The following TUBGCP6 variants were observed in gnomAD, a reference collection of about 807,000 sequenced individuals.
TUBGCP6 encodes gamma-tubulin complex component 6.
A neutral mutation model predicts 175.8 loss-of-function variants in TUBGCP6; 161 were observed. That is an observed-to-expected ratio of 0.92 (90% CI 0.81 to 1.04). The LOEUF is 1.04. TUBGCP6 is among the 50% of genes least tolerant of loss of function. The pLI, the probability that TUBGCP6 is intolerant of heterozygous loss-of-function variation, is 0.00. For synonymous variants in TUBGCP6, 1,173 were observed against 1,030.5 expected (o/e 1.14, Z -2.65); for missense variants, 2,572 against 2,433.0 (o/e 1.06, Z -1.20).
chr22:50,218,061 C>G lies in TUBGCP6; in HGVS notation c.5225G>C (p.Ser1742Thr). 3.7e-6 allele frequency: 6 copies of G among 1,613,510 alleles called. No homozygotes were observed. Among genetic ancestry groups the G allele is most frequent in the Non-Finnish European group, 4.2e-6 (5 of 1,179,962 alleles). ...CTGGCTGCGGAACTTGAGCACGAGGCTGAAGATGCTGTGGATGACGTTCAT... is the reference window on the plus strand; with the variant it reads ...CTGGCTGCGGAACTTGAGCACGAGGGTGAAGATGCTGTGGATGACGTTCAT... The part of the protein sequence containing the change: ...PVMNVIHSIF[S>T]LVLKFRSQLI... Residue 1742 changes from serine (S) to threonine (T), a missense_variant, in exon 24 of 25, where the codon AGC (serine) becomes ACC (threonine). Coordinates refer to ENST00000248846, the MANE Select transcript of TUBGCP6 (RefSeq NM_020461.4).
intron 4 of TUBGCP6, 43 bp downstream of exon 4, chr22:50,229,361 G>A (rs370714221): frequency 1.4e-5 from 23 of 1,597,700 alleles, no homozygotes; most frequent in South Asian, 3.3e-5. Context: ...CGTGTGCACC[G>A]TTCTCACAAA....
At position 50,222,440 on chromosome 22, in the gene TUBGCP6, A is replaced by G; in HGVS notation, c.2409+14T>C. ...GCCCAGGGGAAGAGCTGCCATCTGA[A>G]GCCGCAGACATACCTGAATGTGTTT... On this transcript the variant is annotated intron_variant, in intron 14 of 24. Transcript: ENST00000248846. 6.2e-7 allele frequency: 1 copy of G among 1,613,226 alleles called. No homozygotes were observed. The highest frequency in any genetic ancestry group is 1.7e-4 in the Middle Eastern group (1 of 6,014).
chr22:50,219,875 T>C (rs1943069360), intron 17 of TUBGCP6, 82 bp downstream of exon 17: 4 of 1,603,880 alleles, frequency 2.5e-6, no homozygotes, highest in South Asian at 1.1e-5. Flanking sequence ...GAAAATCGCA[T>C]GTGGGACCCA....
intron 20 of TUBGCP6, 39 bp from the exon 21 acceptor site, chr22:50,218,936 G>A: frequency 5.0e-6 from 8 of 1,592,916 alleles, no homozygotes; most frequent in South Asian, 2.3e-5. Context: ...GGAGTCCCAA[G>A]CACATGCCTG....
Position 50,221,565 on chromosome 22 carries a change from A to G in TUBGCP6, c.2794T>C (p.Ser932Pro). 1.3e-6 allele frequency: 2 copies of G among 1,587,634 alleles called. No homozygotes were observed. The highest frequency in any genetic ancestry group is 8.6e-7 in the Non-Finnish European group (1 of 1,164,788). Residue 932 changes from serine to proline, a missense_variant, in exon 16 of 25, where the codon TCA becomes CCA. Coordinates refer to ENST00000248846, the MANE Select transcript of TUBGCP6 (RefSeq NM_020461.4). ...LQTINLDLPP[S>P]APGEAPAAAS... ...GCTGCGGGTGCCTCCCCAGGAGCTG[A>G]GGGGGGCAGGTCCAAGTTAATGGTC...
Position 50,244,149 on chromosome 22 carries a change from A to G in TUBGCP6, c.311T>C (p.Leu104Pro), listed in dbSNP as rs8137873. The G allele has an allele frequency of 2.9e-3, 4,616 of 1,613,468 alleles. 130 individuals are homozygous for G. In the African/African-American group the frequency reaches 0.055, roughly 19 times the overall value. The change falls in exon 1 of 25, where the codon CTT (leucine) becomes CCT (proline). Residue 104 changes from leucine to proline, a missense_variant. Leu to Pro is a moderately conservative substitution (Grantham distance 98). Transcript: ENST00000248846. ...EELEAAPCCP[L>P]LEVGSVLDLL... ...GTCCAAAACAGACCCCACCTCCAAA[A>G]GCGGACAGCAAGGGGCTGCTTCCAG...
chr22:50,221,834 C>G lies in TUBGCP6; in HGVS notation c.2525G>C (p.Gly842Ala), dbSNP rs749731282. The change falls in exon 16 of 25, where the codon GGC (glycine) becomes GCC (alanine). Residue 842 changes from glycine (G) to alanine (A), a missense_variant. By Grantham distance (60) the Gly-to-Ala change is moderately conservative (BLOSUM62 0). Transcript: ENST00000248846. ...PGPEHPEGGQ[G>A]CDSGSAEQHS... ...TTGCTCTGCAGACCCAGAATCACAGCCTTGGCCTCCCTCTGGGTGCTCAGG... is the reference window on the plus strand; with the variant it reads ...TTGCTCTGCAGACCCAGAATCACAGGCTTGGCCTCCCTCTGGGTGCTCAGG... 1 of 1,512,160 alleles carries G rather than the reference C, an allele frequency of 6.6e-7. No homozygotes were observed. The highest frequency in any genetic ancestry group is 8.8e-7 in the Non-Finnish European group (1 of 1,130,768). 93.7% of individuals were successfully genotyped at this position (1,512,160 alleles called of 1,614,324 possible).
rs1214698720 is a variant in TUBGCP6 at position 50,224,461 on chromosome 22, C to A, written c.2066-41G>T. On this transcript the variant is annotated intron_variant, in intron 11 of 24. Transcript: ENST00000248846. ...AAGGGGCGCACTGTCACAAGGAGGC[C>A]CCAGCAAGGCCCCCCGGAACTGCAG... The A allele has an allele frequency of 1.9e-6, 3 of 1,614,094 alleles. No individual in the cohort carries two copies. The South Asian group carries it at 3.3e-5, about 18-fold the overall frequency.
rs1282875728 is a variant in TUBGCP6, at chr22:50,229,448, G to A, written c.1246C>T (p.Gln416Ter). The A allele has an allele frequency of 6.2e-7, 1 of 1,613,514 alleles. No individual in the cohort carries two copies. The highest frequency in any genetic ancestry group is 8.5e-7 in the Non-Finnish European group (1 of 1,179,886). Residue 416 changes from glutamine (Q) to a stop codon, truncating the protein, a stop_gained, in exon 4 of 25, where the codon CAG becomes TAG. Transcript: ENST00000248846. LOFTEE classifies it high-confidence loss of function. The stretch of plus-strand genomic sequence containing the variant: ...CTGTACAAAGAGTCCAGGACGGGCT[G>A]CAGAGAGAAATGACTCAGGCGCGTG... ...CYTRLSHFSL[Q>*]PVLDSLYSKG...
Position 50,243,764 on chromosome 22 carries a change from C to T in TUBGCP6, c.696G>A (p.Leu232=), listed in dbSNP as rs2064878789. 1.2e-6 allele frequency: 2 copies of T among 1,613,458 alleles called. No homozygotes were observed. Among genetic ancestry groups the T allele is most frequent in the African/African-American group, 1.3e-5 (1 of 74,900 alleles). Residue 232 remains leucine, a synonymous_variant, in exon 1 of 25, where the codon CTG becomes CTA. Coordinates refer to ENST00000248846, the MANE Select transcript of TUBGCP6 (RefSeq NM_020461.4). The part of the protein sequence containing the change: ...RTYDMDVRLG[L]PPVPDNADLS... ...GGTCCGCATTGTCTGGCACGGGGGG[C>T]AGGCCCAGTCGGACGTCCATGTCAT... is the stretch of plus-strand genomic sequence containing the variant.
chr22:50,227,094 G>C lies in TUBGCP6; in HGVS notation c.1413-17C>G, dbSNP rs1240873537. The stretch of plus-strand genomic sequence containing the variant: ...GCCAGGTACCTAGACCCAGAGGCAG[G>C]ATGAGACCAGGTGACCGGGCTCAGG... On this transcript the variant is annotated splice_polypyrimidine_tract_variant and intron_variant, in intron 5 of 24. Coordinates refer to ENST00000248846, the MANE Select transcript of TUBGCP6 (RefSeq NM_020461.4). 2.5e-6 allele frequency: 4 copies of C among 1,604,782 alleles called. No homozygotes were observed. The highest frequency in any genetic ancestry group is 3.4e-6 in the Non-Finnish European group (4 of 1,175,598).
Position 50,244,683 on chromosome 22 carries a change from G to C in TUBGCP6, c.-224C>G. 4 of 627,524 alleles carry C rather than the reference G, an allele frequency of 6.4e-6. No homozygotes were observed. The highest frequency in any genetic ancestry group is 1.0e-5 in the Non-Finnish European group (4 of 387,772). 38.9% of individuals were successfully genotyped at this position (627,524 alleles called of 1,614,324 possible). ...CCCCAGTCCAAGCACGCTGCCCGGC[G>C]CCCGGCAGCCCACCAGAAGCCAGCT... On this transcript the variant is annotated 5_prime_UTR_variant, in exon 1 of 25. Transcript: ENST00000248846.
At position 50,222,047 on chromosome 22, in the gene TUBGCP6, A is replaced by T; in HGVS notation, c.2465T>A (p.Leu822His). ...GCTTACCTGGGGGTGCACGCTCAAG[A>T]GGACGTCTGGCGGCTCCTGGGGCTG... ...AHQPQEPPDV[L>H]LSVHPQVTSP... Residue 822 changes from leucine (L) to histidine (H), a missense_variant, in exon 15 of 25, where the codon CTC becomes CAC. By Grantham distance (99) the Leu-to-His change is moderately conservative. Coordinates refer to ENST00000248846, the MANE Select transcript of TUBGCP6 (RefSeq NM_020461.4). 1 of 1,613,872 alleles carries T rather than the reference A, an allele frequency of 6.2e-7. No homozygotes were observed. Among genetic ancestry groups the T allele is most frequent in the Non-Finnish European group, 8.5e-7 (1 of 1,179,992 alleles).
At chr22:50,234,192 G>A (rs1364359106) in intron 2 of TUBGCP6, among the ~76,000 whole-genome samples, 2 of 77,340 alleles carry the variant, frequency 2.6e-5, no homozygotes, top group African/African-American at 5.3e-5. Context: ...TCATCCACAC[G>A]CCCGTCCACA....
rs757349018 is a variant in TUBGCP6, at chr22:50,221,658, G to A, written c.2701C>T (p.Pro901Ser). The change falls in exon 16 of 25, where the codon CCT (proline) becomes TCT (serine). Residue 901 changes from proline (P) to serine (S), a missense_variant. By Grantham distance (74) the Pro-to-Ser change is moderately conservative (BLOSUM62 -1). Transcript: ENST00000248846. Reference sequence around the variant, plus strand: ...GACGGCTCAGCCCCTGGGCCCACAGGTAGGAAGTCTCCAATGCTGAGGCTG... The same window carrying A: ...GACGGCTCAGCCCCTGGGCCCACAGATAGGAAGTCTCCAATGCTGAGGCTG... ...SDSLSIGDFL[P>S]VGPGAEPSVQ... 1.2e-5 allele frequency: 19 copies of A among 1,521,928 alleles called. No individual in the cohort carries two copies. The allele number at this position is 1,521,928 out of a possible 1,614,324, so 94.3% of individuals were successfully genotyped here.
In TUBGCP6 at chr22:50,229,504, A is replaced by C. The variant is rs1309216999; in HGVS notation, c.1190T>G (p.Leu397Arg). Reference sequence around the variant, plus strand: ...GGTCCCATACTCGGCCACTTCCGAGAGCAGGCTGCTGATGCTCTCGGGAGA... The same window carrying C: ...GGTCCCATACTCGGCCACTTCCGAGCGCAGGCTGCTGATGCTCTCGGGAGA... ...GASPESISSL[L>R]SEVAEYGTCY... Residue 397 changes from leucine (L) to arginine (R), a missense_variant, in exon 4 of 25, where the codon CTC becomes CGC. By Grantham distance (102) the Leu-to-Arg change is moderately radical (BLOSUM62 -2). Coordinates refer to ENST00000248846, the MANE Select transcript of TUBGCP6 (RefSeq NM_020461.4). 6.2e-7 allele frequency: 1 copy of C among 1,610,940 alleles called. No individual in the cohort carries two copies. Among genetic ancestry groups the C allele is most frequent in the South Asian group, 1.1e-5 (1 of 90,520 alleles).
rs140456896 is a variant in TUBGCP6, at chr22:50,218,032, T to C, written c.5254A>G (p.Ile1752Val). 16 of 1,612,678 alleles carry C rather than the reference T, an allele frequency of 9.9e-6. No homozygotes were observed. In the African/African-American group the frequency reaches 1.9e-4, roughly 19 times the overall value. ...SLVLKFRSQL[I>V]SQAWGPPGGP... ...CCAGGGGGCCCCCAGGCCTGGGAGA[T>C]GAGCTGGCTGCGGAACTTGAGCACG... Residue 1752 changes from isoleucine (I) to valine (V), a missense_variant, in exon 24 of 25, where the codon ATC becomes GTC. Ile to Val is a conservative substitution (Grantham distance 29, BLOSUM62 3). Coordinates refer to ENST00000248846, the MANE Select transcript of TUBGCP6 (RefSeq NM_020461.4).
chr22:50,240,781 G>A (rs2064829492), intron 1 of TUBGCP6, among the ~76,000 whole-genome samples: 2 of 152,348 alleles, frequency 1.3e-5, no homozygotes, highest in East Asian at 3.9e-4. Context: ...CCTGAGGTCA[G>A]GAGTTTGAGA....
In TUBGCP6 at chr22:50,244,112, C is replaced by A. The variant is rs756655987; in HGVS notation, c.348G>T (p.Gln116His). Residue 116 changes from glutamine (Q) to histidine (H), a missense_variant, in exon 1 of 25, where the codon CAG (glutamine) becomes CAT (histidine). By Grantham distance (24) the Gln-to-His change is conservative (BLOSUM62 0). Coordinates refer to ENST00000248846, the MANE Select transcript of TUBGCP6 (RefSeq NM_020461.4). Reference sequence around the variant, plus strand: ...CTTGAGGGGGACCACTCCCTGCCAGCTGAACCAGGAGGTCCAAAACAGACC... The same window carrying A: ...CTTGAGGGGGACCACTCCCTGCCAGATGAACCAGGAGGTCCAAAACAGACC... Reference protein sequence around the residue: ...EVGSVLDLLVQLAGSGPPQVL... With the variant: ...EVGSVLDLLVHLAGSGPPQVL... 6.2e-7 allele frequency: 1 copy of A among 1,613,712 alleles called. No homozygotes were observed. Among genetic ancestry groups the A allele is most frequent in the Non-Finnish European group, 8.5e-7 (1 of 1,180,034 alleles).
Sources: allele counts gnomAD v4.1 joint callset (sites outside exome capture counted in the v4.1 genomes callset), GRCh38; gene constraint gnomAD v4.1.1; transcripts MANE v1.5; gene names NCBI Gene and HGNC (gene_info 2026-07-23, HGNC 2026-07-21).